CCDC7: variants seen among roughly 807,000 people sequenced by gnomAD.
CCDC7 encodes the protein coiled-coil domain containing 7.
A neutral mutation model predicts 196.9 loss-of-function variants in CCDC7; 183 were observed. That is an observed-to-expected ratio of 0.93 (90% CI 0.82 to 1.05). The LOEUF is 1.05. Among genes scored for constraint, CCDC7 ranks in the 50% least tolerant of loss-of-function variants. CCDC7 has a pLI of 0.00. For synonymous variants in CCDC7, 525 were observed against 484.6 expected (o/e 1.08, Z -1.10); for missense variants, 1,540 against 1,482.2 (o/e 1.04, Z -0.64).
intron 21 of CCDC7, 68 bp from the exon 23 acceptor site, chr10:32,685,902 G>T: frequency 1.1e-6 from 1 of 891,924 alleles, no homozygotes; most frequent in South Asian, 1.8e-5. Context: ...TTATAAATTT[G>T]AAACACAGAA....
intron 16 of CCDC7, 93 bp downstream of exon 17, chr10:32,571,986 T>A: frequency 1.7e-6 from 2 of 1,210,096 alleles, no homozygotes; most frequent in Non-Finnish European, 2.2e-6. Context: ...AAATTTAATG[T>A]CACAAAACTC....
chr10:32,542,169 T>A (rs2051559200), intron 11 of CCDC7, among the ~76,000 whole-genome samples: 1 of 152,220 alleles, frequency 6.6e-6, no homozygotes, highest in African/African-American at 2.4e-5. Context: ...CTTACTTTCT[T>A]TTATAAAATG....
At chr10:32,657,288 T>C (rs1380461515) in intron 20 of CCDC7, among the ~76,000 whole-genome samples, 1 of 152,210 alleles carries the variant, frequency 6.6e-6, no homozygotes, top group Non-Finnish European at 1.5e-5. Context: ...GTGTGGGGGC[T>C]CCAACTCCAC....
chr10:32,772,356 T>A (rs181361157), intron 28 of CCDC7, among the ~76,000 whole-genome samples: 1 of 152,306 alleles, frequency 6.6e-6, no homozygotes, highest in East Asian at 1.9e-4. Flanking sequence ...TGAGTCCCAG[T>A]CAGCCTGTAA....
At chr10:32,693,591 T>C (rs892314885) in intron 23 of CCDC7, among the ~76,000 whole-genome samples, 1 of 152,192 alleles carries the variant, frequency 6.6e-6, no homozygotes, top group African/African-American at 2.4e-5. Context: ...TACCATAGTG[T>C]GTGGTATACA....
At chr10:32,796,668 C>T (rs1392970979) in intron 29 of CCDC7, among the ~76,000 whole-genome samples, 2 of 152,166 alleles carry the variant, frequency 1.3e-5, no homozygotes, top group African/African-American at 4.8e-5. Flanking sequence ...ATATTTCACT[C>T]CATCAGAGGA....
intron 13 of CCDC7, among the ~76,000 whole-genome samples, chr10:32,560,425 A>G (rs1173393654): frequency 3.3e-5 from 5 of 152,194 alleles, no homozygotes; most frequent in Non-Finnish European, 7.4e-5. Context: ...CCAGAGAGAA[A>G]GGTCGGGTTA....
At chr10:32,789,766 T>C (rs1226121918) in intron 29 of CCDC7, among the ~76,000 whole-genome samples, 3 of 152,106 alleles carry the variant, frequency 2.0e-5, no homozygotes, top group Non-Finnish European at 4.4e-5. Context: ...GGAGTGGGTT[T>C]ATTATAAAAG....
chr10:32,807,338 T>C (rs2086048849), intron 30 of CCDC7, among the ~76,000 whole-genome samples: 1 of 152,116 alleles, frequency 6.6e-6, no homozygotes, highest in Admixed American at 6.6e-5. Context: ...ACATGTAGTA[T>C]ATTCCAGAAT....
chr10:32,743,641 A>G (rs1299246939), intron 28 of CCDC7, among the ~76,000 whole-genome samples: 8 of 152,190 alleles, frequency 5.3e-5, no homozygotes, highest in Non-Finnish European at 7.3e-5. Context: ...ATTACTGGGT[A>G]TATACCCAAA....
chr10:32,597,910 C>G (rs925071177), intron 18 of CCDC7, among the ~76,000 whole-genome samples: 1 of 152,176 alleles, frequency 6.6e-6, no homozygotes, highest in African/African-American at 2.4e-5. Context: ...GTCAGTCGCC[C>G]CCCTACTGGG....
At chr10:32,868,178 T>A (rs2488299) in intron 41 of CCDC7, among the ~76,000 whole-genome samples, 1 of 151,806 alleles carries the variant, frequency 6.6e-6, no homozygotes, top group Non-Finnish European at 1.5e-5. Context: ...CAGCTGACAC[T>A]TGGGCTTCCT....
At chr10:32,667,827 G>A (rs1355261919) in intron 21 of CCDC7, among the ~76,000 whole-genome samples, 4 of 152,056 alleles carry the variant, frequency 2.6e-5, no homozygotes, top group South Asian at 2.1e-4. Flanking sequence ...TGTTCTTTTG[G>A]CTTAGGATTG....
chr10:32,496,506 A>AT (rs201639740), intron 9 of CCDC7, among the ~76,000 whole-genome samples: 1,947 of 152,254 alleles, frequency 0.013, 46 homozygotes, highest in African/African-American at 0.045. Flanking sequence ...TCAGTATGAT[A>AT]TACTGATATT....
intron 18 of CCDC7, among the ~76,000 whole-genome samples, chr10:32,593,074 T>G (rs1305004058): frequency 6.6e-6 from 1 of 152,250 alleles, no homozygotes; most frequent in Non-Finnish European, 1.5e-5. Flanking sequence ...AGTAATGGGA[T>G]GGCTGGATCA....
intron 28 of CCDC7, among the ~76,000 whole-genome samples, chr10:32,766,067 C>T (rs12359085): frequency 0.14 from 20,735 of 151,550 alleles, 1,761 homozygotes; most frequent in East Asian, 0.25. Context: ...CTGACTGGAC[C>T]TCTTGAGTAA....
At chr10:32,650,470 C>T (rs1462699080) in intron 20 of CCDC7, among the ~76,000 whole-genome samples, 1 of 152,196 alleles carries the variant, frequency 6.6e-6, no homozygotes, top group Admixed American at 6.5e-5. Flanking sequence ...CACTGCCAAC[C>T]ACTGGCACTG....
At chr10:32,704,423 G>C (rs552657655) in intron 24 of CCDC7, among the ~76,000 whole-genome samples, 1 of 152,228 alleles carries the variant, frequency 6.6e-6, no homozygotes, top group East Asian at 1.9e-4. Context: ...TTCCCTACTG[G>C]GGGGTGCCTC....
intron 16 of CCDC7, among the ~76,000 whole-genome samples, chr10:32,573,375 G>A (rs1468527218): frequency 1.3e-5 from 2 of 152,128 alleles, no homozygotes; most frequent in South Asian, 2.1e-4. Flanking sequence ...AATGTGATAG[G>A]CTCTTTGTAC....
Sources: allele counts gnomAD v4.1 joint callset (sites outside exome capture counted in the v4.1 genomes callset), GRCh38; gene constraint gnomAD v4.1.1; transcripts MANE v1.5; gene names NCBI Gene and HGNC (gene_info 2026-07-23, HGNC 2026-07-21).